The following IGBP1C variants were observed in gnomAD, a reference collection of about 807,000 sequenced individuals.
The protein encoded by IGBP1C is IGBP1 family member C.
At chr17:58,690,789 T>C in the IGBP1C span, among the ~76,000 whole-genome samples, 6 of 152,166 alleles carry the variant, frequency 3.9e-5, no homozygotes, top group Admixed American at 3.9e-4. Context: ...TCCCCGCCAG[T>C]AGGGACTCAA....
At chr17:58,672,378 A>C in the IGBP1C span, among the ~76,000 whole-genome samples, 1 of 152,038 alleles carries the variant, frequency 6.6e-6, no homozygotes, top group East Asian at 1.9e-4. Flanking sequence ...ATCTTCCAGC[A>C]CTCTTACTCC....
chr17:58,680,134 C>T, the IGBP1C span, among the ~76,000 whole-genome samples: 13 of 152,088 alleles, frequency 8.5e-5, no homozygotes, highest in South Asian at 2.7e-3. Context: ...GGCTGGGGTA[C>T]AGTAGTTATC....
the IGBP1C span, among the ~76,000 whole-genome samples, chr17:58,665,966 T>C: frequency 6.6e-6 from 1 of 151,600 alleles, no homozygotes; most frequent in African/African-American, 2.4e-5. Flanking sequence ...GGAGAATCGC[T>C]TCAACCTAGG....
chr17:58,686,861 C>CTTTTT, the IGBP1C span, among the ~76,000 whole-genome samples: 6 of 71,538 alleles, frequency 8.4e-5, no homozygotes, highest in Non-Finnish European at 1.3e-4. Context: ...GAAAGGTCAC[C>CTTTTT]TTTTTTTTTT....
At chr17:58,660,498 G>GC in the IGBP1C span, 1 of 704,576 alleles carries the variant, frequency 1.4e-6, no homozygotes, top group Admixed American at 2.2e-5. Context: ...CTGTAGGGGA[G>GC]CTCAGGGAGG....
the IGBP1C span, among the ~76,000 whole-genome samples, chr17:58,673,209 G>A: frequency 9.2e-5 from 14 of 151,716 alleles, no homozygotes; most frequent in Admixed American, 3.9e-4. Flanking sequence ...GGCAGGGCGC[G>A]GTAGCTTATG....
chr17:58,662,097 G>A, the IGBP1C span, among the ~76,000 whole-genome samples: 3 of 151,528 alleles, frequency 2.0e-5, no homozygotes. Context: ...TATGTATGAT[G>A]TAAAAAGTAC....
the IGBP1C span, among the ~76,000 whole-genome samples, chr17:58,682,983 G>C: frequency 2.1e-4 from 31 of 150,234 alleles, no homozygotes; most frequent in Admixed American, 6.7e-5. Flanking sequence ...ACTTTGAGAG[G>C]CCAAGGTTGC....
the IGBP1C span, among the ~76,000 whole-genome samples, chr17:58,691,012 C>G: frequency 7.2e-5 from 11 of 152,088 alleles, no homozygotes. Flanking sequence ...TGCCACCATG[C>G]CCGGCTAATT....
chr17:58,682,465 C>T, the IGBP1C span, among the ~76,000 whole-genome samples: 42 of 151,940 alleles, frequency 2.8e-4, no homozygotes, highest in South Asian at 4.2e-4. Flanking sequence ...GCCATGTTGG[C>T]GAGGCTGGTC....
chr17:58,668,690 T>C, the IGBP1C span, among the ~76,000 whole-genome samples: 52 of 151,874 alleles, frequency 3.4e-4, no homozygotes, highest in East Asian at 8.9e-3. Flanking sequence ...AGAGGACTTC[T>C]TTTTTTTATT....
chr17:58,661,657 T>A, the IGBP1C span: 1 of 632,528 alleles, frequency 1.6e-6, no homozygotes, highest in East Asian at 2.6e-5. Flanking sequence ...ACGTAAAGAT[T>A]CTGGCGTAGA....
chr17:58,679,071 T>C, the IGBP1C span, among the ~76,000 whole-genome samples: 2,121 of 152,150 alleles, frequency 0.014, 30 homozygotes, highest in Non-Finnish European at 0.017. Flanking sequence ...GGAGAATCCC[T>C]TGAACCCTTG....
the IGBP1C span, among the ~76,000 whole-genome samples, chr17:58,682,744 T>G: frequency 1.3e-5 from 2 of 152,310 alleles, no homozygotes; most frequent in South Asian, 2.1e-4. Context: ...CACAAAAATT[T>G]CATTGCTATT....
chr17:58,671,070 C>T, the IGBP1C span, among the ~76,000 whole-genome samples: 2 of 152,140 alleles, frequency 1.3e-5, no homozygotes, highest in Non-Finnish European at 2.9e-5. Flanking sequence ...TATTCTCTAT[C>T]TCTTTGAAAC....
the IGBP1C span, among the ~76,000 whole-genome samples, chr17:58,680,019 A>G: frequency 6.6e-6 from 1 of 152,076 alleles, no homozygotes; most frequent in African/African-American, 2.4e-5. Flanking sequence ...AAGGTAAATA[A>G]CGTAAACTAG....
the IGBP1C span, among the ~76,000 whole-genome samples, chr17:58,662,415 T>TCTCACACACA: frequency 1.7e-5 from 2 of 114,996 alleles, no homozygotes; most frequent in African/African-American, 2.7e-5. Flanking sequence ...CACACATATC[T>TCTCACACACA]CACACACACA....
At chr17:58,666,796 A>G in the IGBP1C span, 2 of 152,246 alleles carry the variant, frequency 1.3e-5, no homozygotes, top group Non-Finnish European at 2.9e-5. Flanking sequence ...ATCCACATAT[A>G]GTGAACAAAA....
the IGBP1C span, among the ~76,000 whole-genome samples, chr17:58,669,335 G>A: frequency 1.3e-5 from 2 of 151,544 alleles, no homozygotes; most frequent in Admixed American, 6.6e-5. Context: ...CTGGGCGAAA[G>A]AGCGACACTC....
Sources: allele counts gnomAD v4.1 joint callset (sites outside exome capture counted in the v4.1 genomes callset), GRCh38; gene constraint gnomAD v4.1.1; transcripts MANE v1.5; gene names NCBI Gene and HGNC (gene_info 2026-07-23, HGNC 2026-07-21).